ASTN2: variants seen among roughly 807,000 people sequenced by gnomAD.
The protein encoded by ASTN2 is astrotactin-2.
ASTN2 carries 54 observed loss-of-function variants against 139.8 expected under a neutral mutation model. That is an observed-to-expected ratio of 0.39 (90% CI 0.31 to 0.48). ASTN2 has a LOEUF of 0.48. ASTN2 is among the 20% of genes least tolerant of loss of function. ASTN2 has a pLI of 0.95. For missense variants in ASTN2, 1,565 were observed against 1,725.1 expected, an observed-to-expected ratio of 0.91 and a Z score of 1.64; for synonymous variants, 756 against 719.5, an observed-to-expected ratio of 1.05 and a Z score of -0.81.
chr9:117,242,376 A>G (rs12684306), intron 2 of ASTN2, among the ~76,000 whole-genome samples: 28,073 of 151,994 alleles, frequency 0.18, 3,394 homozygotes, highest in Non-Finnish European at 0.26. Flanking sequence ...GTACCAAATG[A>G]GCTCTGAGTT....
At chr9:116,856,271 A>C (rs998721770) in intron 11 of ASTN2, among the ~76,000 whole-genome samples, 1 of 152,210 alleles carries the variant, frequency 6.6e-6, no homozygotes, top group African/African-American at 2.4e-5. Flanking sequence ...ACAGGGATAA[A>C]TTTAGCTTTG....
intron 2 of ASTN2, among the ~76,000 whole-genome samples, chr9:117,282,045 C>CA (rs766400016): frequency 1.3e-5 from 2 of 152,152 alleles, no homozygotes; most frequent in Non-Finnish European, 1.5e-5. Flanking sequence ...TCACTTCCTC[C>CA]ATGCTTTTTA....
chr9:116,499,722 T>C (rs12115623), intron 19 of ASTN2, among the ~76,000 whole-genome samples: 3,576 of 152,156 alleles, frequency 0.024, 133 homozygotes, highest in African/African-American at 0.082. Flanking sequence ...GGGTGGAAGA[T>C]TGGGGGGATG....
intron 16 of ASTN2, among the ~76,000 whole-genome samples, chr9:116,683,607 T>C (rs557762671): frequency 6.6e-6 from 1 of 152,330 alleles, no homozygotes; most frequent in South Asian, 2.1e-4. Flanking sequence ...TTCTCACAGA[T>C]AGCTGATGTG....
chr9:116,852,272 T>C (rs1588353925), intron 11 of ASTN2, among the ~76,000 whole-genome samples: 1 of 152,096 alleles, frequency 6.6e-6, no homozygotes, highest in African/African-American at 2.4e-5. Flanking sequence ...CGGCCAACAA[T>C]ATTGTAAGGT....
intron 12 of ASTN2, among the ~76,000 whole-genome samples, chr9:116,820,360 G>A (rs1831452085): frequency 6.6e-6 from 1 of 152,204 alleles, no homozygotes; most frequent in Non-Finnish European, 1.5e-5. Flanking sequence ...CTGGCTCTAG[G>A]ATGAGGCCTG....
intron 20 of ASTN2, among the ~76,000 whole-genome samples, chr9:116,454,656 T>C (rs1471330261): frequency 6.6e-6 from 1 of 152,170 alleles, no homozygotes; most frequent in African/African-American, 2.4e-5. Flanking sequence ...CCATCAATGA[T>C]AGACTGGATT....
chr9:116,502,040 A>T (rs767950297), intron 19 of ASTN2, among the ~76,000 whole-genome samples: 8 of 152,048 alleles, frequency 5.3e-5, no homozygotes, highest in Non-Finnish European at 7.4e-5. Flanking sequence ...AAGATGAGTC[A>T]GGTTTTCTGG....
chr9:116,555,318 G>C (rs934798474), intron 19 of ASTN2, among the ~76,000 whole-genome samples: 2 of 152,160 alleles, frequency 1.3e-5, no homozygotes, highest in Non-Finnish European at 2.9e-5. Context: ...GACAAGGCCA[G>C]CTGCACAGGC....
In ASTN2 at chr9:116,620,305, C is replaced by T. The variant is rs1293390612; in HGVS notation, c.3206+5G>A. 1 of 1,614,070 alleles carries T rather than the reference C, an allele frequency of 6.2e-7. No homozygotes were observed. On this transcript the variant is annotated splice_donor_5th_base_variant and intron_variant, in intron 18 of 22. Coordinates refer to ENST00000313400, the MANE Select transcript of ASTN2 (RefSeq NM_001365068.1). The stretch of plus-strand genomic sequence containing the variant: ...GCCAAAGGAAAAGGGGCCATACATA[C>T]GTACACCGGCTGCAGAAGGGGGCTG...
intron 1 of ASTN2, among the ~76,000 whole-genome samples, chr9:117,407,223 A>G (rs1482396355): frequency 6.6e-6 from 1 of 152,248 alleles, no homozygotes; most frequent in South Asian, 2.1e-4. Flanking sequence ...AATCTGGCAG[A>G]GTGTGATCAG....
intron 2 of ASTN2, among the ~76,000 whole-genome samples, chr9:117,277,648 C>G (rs548475813): frequency 1.4e-4 from 22 of 152,256 alleles, no homozygotes; most frequent in Non-Finnish European, 2.9e-4. Flanking sequence ...AAAATAATAT[C>G]AGGCAATTTT....
At chr9:116,637,577 G>A (rs16933772) in intron 17 of ASTN2, among the ~76,000 whole-genome samples, 4,468 of 152,184 alleles carry the variant, frequency 0.029, 202 homozygotes, top group African/African-American at 0.1. Context: ...AACCTGCTCA[G>A]TACAGTGTTG....
chr9:116,713,606 A>C (rs895999432), intron 16 of ASTN2, among the ~76,000 whole-genome samples: 1 of 152,204 alleles, frequency 6.6e-6, no homozygotes, highest in Admixed American at 6.5e-5. Flanking sequence ...ATGCCACACA[A>C]AGAGAACTTT....
chr9:116,609,852 A>T (rs979385204), intron 19 of ASTN2, among the ~76,000 whole-genome samples: 1 of 152,154 alleles, frequency 6.6e-6, no homozygotes, highest in Admixed American at 6.5e-5. Context: ...CTATTATAAG[A>T]TTCCTATGCT....
chr9:117,370,492 C>A (rs1829961327), intron 1 of ASTN2, among the ~76,000 whole-genome samples: 1 of 152,134 alleles, frequency 6.6e-6, no homozygotes, highest in Non-Finnish European at 1.5e-5. Context: ...CTTCTTCAAT[C>A]TTCCAAAGAA....
At chr9:117,304,777 A>C (rs1276880383) in intron 1 of ASTN2, among the ~76,000 whole-genome samples, 1 of 152,222 alleles carries the variant, frequency 6.6e-6, no homozygotes. Flanking sequence ...GAATGATTAC[A>C]GGACCCTTTT....
At chr9:116,621,929 C>A (rs553065909) in intron 17 of ASTN2, among the ~76,000 whole-genome samples, 1 of 152,206 alleles carries the variant, frequency 6.6e-6, no homozygotes. Flanking sequence ...GACATTTCAA[C>A]GCACTGCACA....
At position 116,805,710 on chromosome 9, in the gene ASTN2, A is replaced by C; in HGVS notation, c.2318T>G (p.Leu773Arg). 1 of 1,613,960 alleles carries C rather than the reference A, an allele frequency of 6.2e-7. No individual in the cohort carries two copies. Among genetic ancestry groups the C allele is most frequent in the Non-Finnish European group, 8.5e-7 (1 of 1,179,862 alleles). ...LKPDSKFNDT[L>R]FGEMLHGYNN... The stretch of plus-strand genomic sequence containing the variant: ...GTAACCATGTAGCATCTCTCCAAAG[A>C]GGGTATCATTGAATTTGGAGTCAGG... The change falls in exon 13 of 23, where the codon CTC becomes CGC. Residue 773 changes from leucine to arginine, a missense_variant. Physicochemically the swap from Leu to Arg is moderately radical, Grantham distance 102. Around this residue, in one of 4 missense-constraint regions of ASTN2, gnomAD observed 503 missense variants for 591.7 expected, o/e 0.85. Coordinates refer to ENST00000313400, the MANE Select transcript of ASTN2 (RefSeq NM_001365068.1).
Sources: gnomAD v4.1 joint callset for allele counts (sites outside exome capture counted in the v4.1 genomes callset) on GRCh38, gnomAD v4.1.1 for gene constraint, gnomAD v4.1.1 regional missense constraint, MANE v1.5 for transcripts, NCBI Gene and HGNC (gene_info 2026-07-23, HGNC 2026-07-21) for gene names.